Variants in FMN1 observed in about 807,000 individuals in gnomAD.
The protein encoded by FMN1 is formin-1.
In FMN1, 110 loss-of-function variants were observed where a neutral mutation model predicts 132.4. The observed-to-expected ratio is 0.83, with a 90% CI of 0.71 to 0.97. The LOEUF (loss-of-function observed/expected upper bound fraction) is 0.97. Ranked by LOEUF, FMN1 falls within the 50% of genes least tolerant of loss-of-function variation. The pLI, the probability that FMN1 is intolerant of heterozygous loss-of-function variation, is 0.00. For missense variants in FMN1, 1,792 were observed against 1,705.3 expected, an observed-to-expected ratio of 1.05 and a Z score of -0.90; for synonymous variants, 722 against 651.7, an observed-to-expected ratio of 1.11 and a Z score of -1.64.
chr15:32,867,483 C>T (rs952908848), intron 16 of FMN1, among the ~76,000 whole-genome samples: 2 of 152,010 alleles, frequency 1.3e-5, no homozygotes, highest in African/African-American at 4.8e-5. Context: ...GTCATCATTA[C>T]GACCTCAGCT....
chr15:33,005,521 C>G (rs1291602490), intron 7 of FMN1, among the ~76,000 whole-genome samples: 2 of 152,120 alleles, frequency 1.3e-5, no homozygotes, highest in Non-Finnish European at 2.9e-5. Context: ...CCAATCTTTT[C>G]TTAGTTTGAG....
Position 32,766,083 on chromosome 15 carries a change from A to G in FMN1, c.*8227T>C, listed in dbSNP as rs951105492. On this transcript the variant is annotated 3_prime_UTR_variant, in exon 21 of 21. Transcript: ENST00000616417. ...TTTAAAGGGCCTTCTCCTTTCCCCA[A>G]CTGTCTTCATTACTGCCTACAATCT... 3.3e-5 allele frequency: 5 copies of G among 152,190 alleles called. No individual in the cohort carries two copies. The highest frequency in any genetic ancestry group is 5.9e-5 in the Non-Finnish European group (4 of 68,028). The allele number at this position is 152,190 out of a possible 1,614,324, so 9.4% of individuals were successfully genotyped here. A position where few individuals can be genotyped will look rare whatever the true frequency, so the allele number is the denominator to read the frequency against.
At chr15:33,130,997 G>A (rs776657438) in intron 4 of FMN1, among the ~76,000 whole-genome samples, 20 of 152,118 alleles carry the variant, frequency 1.3e-4, no homozygotes, top group African/African-American at 4.8e-4. Flanking sequence ...AGGAGAATCA[G>A]ATAGAATAAT....
chr15:33,179,485 C>T (rs1312775622), intron 3 of FMN1, among the ~76,000 whole-genome samples: 1 of 152,138 alleles, frequency 6.6e-6, no homozygotes, highest in Non-Finnish European at 1.5e-5. Flanking sequence ...TCAAATGATG[C>T]CTCATTAGAA....
At chr15:33,186,193 T>G (rs1177328933) in intron 2 of FMN1, among the ~76,000 whole-genome samples, 2 of 151,600 alleles carry the variant, frequency 1.3e-5, no homozygotes, top group Non-Finnish European at 2.9e-5. Context: ...AAAAAACCTC[T>G]CCTTTTCTAA....
chr15:32,821,322 TGCTG>T, intron 17 of FMN1, among the ~76,000 whole-genome samples: 1 of 152,184 alleles, frequency 6.6e-6, no homozygotes, highest in African/African-American at 2.4e-5. Context: ...TCACCAAGCT[TGCTG>T]GCTATTTACT....
At chr15:33,052,115 A>G (rs2037001573) in intron 6 of FMN1, among the ~76,000 whole-genome samples, 2 of 152,128 alleles carry the variant, frequency 1.3e-5, no homozygotes, top group African/African-American at 2.4e-5. Flanking sequence ...CTGGACATCT[A>G]TTTCTCTGTA....
At chr15:33,017,068 TG>T (rs2035092281) in intron 6 of FMN1, among the ~76,000 whole-genome samples, 1 of 151,950 alleles carries the variant, frequency 6.6e-6, no homozygotes, top group Non-Finnish European at 1.5e-5. Context: ...CAATCAAATT[TG>T]GGGTGGCTGG....
intron 9 of FMN1, among the ~76,000 whole-genome samples, chr15:32,928,793 G>A (rs898903838): frequency 1.2e-4 from 19 of 152,138 alleles, no homozygotes; most frequent in African/African-American, 3.4e-4. Flanking sequence ...AAATGAACAC[G>A]CACCAAGCTA....
At chr15:33,082,091 CAATGTGTGTG>C (rs1347480925) in intron 5 of FMN1, among the ~76,000 whole-genome samples, 27 of 76,112 alleles carry the variant, frequency 3.5e-4, no homozygotes, top group African/African-American at 1.8e-3. Flanking sequence ...GGCTGGAAAA[CAATGTGTGTG>C]TGTGTGTGTG....
At position 33,001,591 on chromosome 15, in the gene FMN1, C is replaced by T. The variant is rs1391902156; in HGVS notation, c.2223+6423G>A. On this transcript the variant is annotated intron_variant, in intron 7 of 20. Coordinates refer to ENST00000616417, the MANE Select transcript of FMN1 (RefSeq NM_001277313.2). ...TCCCCCCCCACCTCCCCCCATCCTC[C>T]TCCTCCTCCCTCCTCCTCGAGTTTA... is the stretch of plus-strand genomic sequence containing the variant. Among the ~76,000 whole-genome samples, 28 of 138,410 alleles carry T rather than the reference C, an allele frequency of 2.0e-4. 1 individual carries two copies. The highest frequency in any genetic ancestry group is 1.3e-4 in the African/African-American group (5 of 37,290). The allele number at this position is 138,410 out of a possible 152,430, so 90.8% of individuals were successfully genotyped here.
intron 2 of FMN1, among the ~76,000 whole-genome samples, chr15:33,192,298 C>T (rs1241380174): frequency 2.0e-5 from 3 of 152,192 alleles, no homozygotes; most frequent in Non-Finnish European, 2.9e-5. Context: ...GTCCCCATTC[C>T]TCTTCCTCTG....
At chr15:32,990,654 G>A (rs2033377160) in intron 7 of FMN1, among the ~76,000 whole-genome samples, 1 of 152,152 alleles carries the variant, frequency 6.6e-6, no homozygotes, top group Non-Finnish European at 1.5e-5. Flanking sequence ...AACTGTATTA[G>A]TCTGTCCTCA....
chr15:33,193,640 G>C (rs1225783251), intron 2 of FMN1, among the ~76,000 whole-genome samples: 1 of 152,146 alleles, frequency 6.6e-6, no homozygotes, highest in African/African-American at 2.4e-5. Flanking sequence ...CACAGGTTCA[G>C]GCTCTGCATT....
chr15:32,848,987 T>TG (rs1424824088), intron 17 of FMN1, among the ~76,000 whole-genome samples: 8 of 136,044 alleles, frequency 5.9e-5, no homozygotes, highest in East Asian at 4.2e-4. Context: ...GTTTTTTTTT[T>TG]TTTTTTTTTT....
At chr15:32,999,677 A>T (rs1454794074) in intron 7 of FMN1, among the ~76,000 whole-genome samples, 1 of 152,220 alleles carries the variant, frequency 6.6e-6, no homozygotes, top group Non-Finnish European at 1.5e-5. Context: ...AGATTCCCGT[A>T]AAGGAAATGT....
chr15:32,809,394 C>T (rs2057794149), intron 17 of FMN1, among the ~76,000 whole-genome samples: 1 of 152,040 alleles, frequency 6.6e-6, no homozygotes, highest in Non-Finnish European at 1.5e-5. Flanking sequence ...TGAACTATGC[C>T]CCTTTTCTGC....
At chr15:33,161,722 C>T (rs748503240) in intron 3 of FMN1, among the ~76,000 whole-genome samples, 21 of 151,994 alleles carry the variant, frequency 1.4e-4, no homozygotes, top group Admixed American at 4.6e-4. Context: ...ATCGAGACCA[C>T]CCTGGCCAAC....
At chr15:33,114,918 G>A (rs1019678069) in intron 4 of FMN1, among the ~76,000 whole-genome samples, 9 of 81,332 alleles carry the variant, frequency 1.1e-4, no homozygotes, top group Non-Finnish European at 2.4e-4. Flanking sequence ...TTACTGTCCA[G>A]CCAGCTAACT....
Sources: allele counts gnomAD v4.1 joint callset (sites outside exome capture counted in the v4.1 genomes callset), GRCh38; gene constraint gnomAD v4.1.1; transcripts MANE v1.5; gene names NCBI Gene and HGNC (gene_info 2026-07-23, HGNC 2026-07-21).